The following BCAS3 variants were observed in gnomAD, a reference collection of about 807,000 sequenced individuals.
BCAS3 encodes the protein BCAS3 microtubule associated cell migration factor, also known as BCAS4/BCAS3 fusion.
BCAS3 carries 53 observed loss-of-function variants against 116.1 expected under a neutral mutation model. The ratio of observed to expected loss-of-function variants is 0.46; its 90% CI spans 0.37 to 0.57. The LOEUF is 0.57. Ranked by LOEUF, BCAS3 falls within the 20% of genes least tolerant of loss-of-function variation. The probability of loss-of-function intolerance (pLI) is 0.00; values close to 1 mark genes in which losing one functional copy is unlikely to be tolerated. For missense variants in BCAS3, 917 were observed against 1,165.4 expected (o/e 0.79, Z 3.10); for synonymous variants, 391 against 408.2 (o/e 0.96, Z 0.51).
chr17:61,040,998 C>A (rs2067462049), intron 19 of BCAS3, 106 bp downstream of exon 19: 3 of 889,104 alleles, frequency 3.4e-6, no homozygotes, highest in East Asian at 2.4e-5. Context: ...AGGCCATGGG[C>A]CTTAAAGAAT....
At chr17:60,805,058 T>TACAC (rs760769619) in intron 6 of BCAS3, among the ~76,000 whole-genome samples, 13 of 149,462 alleles carry the variant, frequency 8.7e-5, no homozygotes, top group African/African-American at 2.9e-4. Flanking sequence ...CTTAAGTAAA[T>TACAC]ACACACACAC....
chr17:60,898,486 T>C (rs1448223843), intron 10 of BCAS3, among the ~76,000 whole-genome samples: 1 of 152,214 alleles, frequency 6.6e-6, no homozygotes, highest in African/African-American at 2.4e-5. Context: ...GGGTATTTAT[T>C]ATTTACTTAA....
At chr17:60,922,299 G>A (rs2059145031) in intron 12 of BCAS3, among the ~76,000 whole-genome samples, 1 of 152,052 alleles carries the variant, frequency 6.6e-6, no homozygotes, top group South Asian at 2.1e-4. Flanking sequence ...GCTAATTTTT[G>A]TAGTTTTAGT....
At chr17:61,067,353 C>T (rs917887691) in intron 19 of BCAS3, among the ~76,000 whole-genome samples, 1 of 131,744 alleles carries the variant, frequency 7.6e-6, no homozygotes, top group African/African-American at 2.9e-5. Flanking sequence ...TTTAGATTAA[C>T]AGGACTAATT....
rs1179755396 is a variant in BCAS3 at position 60,994,736 on chromosome 17, A to G, written c.1486+4501A>G. On this transcript the variant is annotated intron_variant, in intron 15 of 23. Transcript: ENST00000407086. The surrounding 1 kb of genome is among the most constrained non-coding windows in gnomAD (Gnocchi z 4.4). ...TATTTGCAACTTTTCTTTATTTGAC[A>G]TTATTATTGCCTCTTTGAATGCCTA... is the stretch of plus-strand genomic sequence containing the variant. 6.6e-6 allele frequency among the ~76,000 whole-genome samples: 1 copy of G among 152,114 alleles called. No individual in the cohort carries two copies. The highest frequency in any genetic ancestry group is 6.5e-5 in the Admixed American group (1 of 15,270).
At chr17:60,950,226 G>T (rs1213166280) in intron 14 of BCAS3, among the ~76,000 whole-genome samples, 1 of 152,072 alleles carries the variant, frequency 6.6e-6, no homozygotes, top group Non-Finnish European at 1.5e-5. Flanking sequence ...TCTGGAATTT[G>T]CTTTGAAATG....
chr17:61,271,171 A>T (rs1602322715), intron 22 of BCAS3, among the ~76,000 whole-genome samples: 1 of 118,366 alleles, frequency 8.4e-6, no homozygotes. Flanking sequence ...TCTGTTCCCC[A>T]GGCTGGAGTA....
chr17:61,350,675 A>G (rs1022101991), intron 22 of BCAS3, among the ~76,000 whole-genome samples: 7 of 148,372 alleles, frequency 4.7e-5, no homozygotes, highest in African/African-American at 1.8e-4. Context: ...CTCTGTTACC[A>G]TGGTGGCAGT....
chr17:61,000,499 A>G (rs1054898482), intron 15 of BCAS3, among the ~76,000 whole-genome samples: 9 of 152,058 alleles, frequency 5.9e-5, no homozygotes, highest in African/African-American at 2.2e-4. Flanking sequence ...CCAATCTTAT[A>G]GAGTAACTAT....
chr17:61,155,397 T>C (rs2144028201), intron 22 of BCAS3, among the ~76,000 whole-genome samples: 1 of 152,162 alleles, frequency 6.6e-6, no homozygotes, highest in African/African-American at 2.4e-5. Flanking sequence ...TTTATTGTTT[T>C]ATCAACAGAA....
rs1250948600 is a variant in BCAS3 at position 61,348,020 on chromosome 17, A to C, written c.2426-20307A>C. ...ATTCACATTGTAGAAAAGGTCACCCAGGTGGCACTAGGAAGAATGAATTGA... is the reference window on the plus strand; with the variant it reads ...ATTCACATTGTAGAAAAGGTCACCCCGGTGGCACTAGGAAGAATGAATTGA... On this transcript the variant is annotated intron_variant, in intron 22 of 23. Transcript: ENST00000407086. This position sits in a 1 kb window ranked among gnomAD's most constrained non-coding sequence, Gnocchi z 4.5. 6.6e-6 allele frequency among the ~76,000 whole-genome samples: 1 copy of C among 152,240 alleles called. No individual in the cohort carries two copies. The highest frequency in any genetic ancestry group is 2.4e-5 in the African/African-American group (1 of 41,462).
chr17:61,211,727 C>T lies in BCAS3; in HGVS notation c.2425+127163C>T, dbSNP rs2081470479. On this transcript the variant is annotated intron_variant, in intron 22 of 23. Coordinates refer to ENST00000407086, the MANE Select transcript of BCAS3 (RefSeq NM_017679.5). This position sits in a 1 kb window ranked among gnomAD's most constrained non-coding sequence, Gnocchi z 4.4. The stretch of plus-strand genomic sequence containing the variant: ...AGCCAAGGAACCATCATTGTACTTA[C>T]ACCAGTCTGTTCCCACACATGAAGT... Among the ~76,000 whole-genome samples, 1 of 151,220 alleles carries T rather than the reference C, an allele frequency of 6.6e-6. No homozygotes were observed.
At chr17:60,843,406 A>T (rs1376855177) in intron 7 of BCAS3, among the ~76,000 whole-genome samples, 1 of 151,868 alleles carries the variant, frequency 6.6e-6, no homozygotes, top group Non-Finnish European at 1.5e-5. Context: ...TTTAGTAGAG[A>T]CAAGGTTTCA....
At chr17:60,848,186 T>G (rs1274254219) in intron 7 of BCAS3, among the ~76,000 whole-genome samples, 1 of 152,234 alleles carries the variant, frequency 6.6e-6, no homozygotes, top group Non-Finnish European at 1.5e-5. Context: ...AGTTTCACAG[T>G]ATTTTGATAA....
rs143390304 is a variant in BCAS3 at position 61,198,830 on chromosome 17, G to A, written c.2425+114266G>A. On this transcript the variant is annotated intron_variant, in intron 22 of 23. Coordinates refer to ENST00000407086, the MANE Select transcript of BCAS3 (RefSeq NM_017679.5). The surrounding 1 kb of genome is among the most constrained non-coding windows in gnomAD (Gnocchi z 5.0). ...ATTTCCTGACTCTTAGAGTCCAAAT[G>A]TTTTCTTAGATTGATGTGGATTGGT... is the stretch of plus-strand genomic sequence containing the variant. 1.3e-5 allele frequency among the ~76,000 whole-genome samples: 2 copies of A among 152,256 alleles called. No individual in the cohort carries two copies. The highest frequency in any genetic ancestry group is 2.9e-5 in the Non-Finnish European group (2 of 68,004).
intron 6 of BCAS3, among the ~76,000 whole-genome samples, chr17:60,758,981 A>ATTT (rs778345782): frequency 7.1e-6 from 1 of 140,778 alleles, no homozygotes; most frequent in African/African-American, 2.6e-5. Context: ...GTCTGAGAAG[A>ATTT]TTTTTTTTTT....
At chr17:61,317,072 T>C (rs1009274161) in intron 22 of BCAS3, among the ~76,000 whole-genome samples, 11 of 152,238 alleles carry the variant, frequency 7.2e-5, no homozygotes, top group African/African-American at 2.7e-4. Context: ...CTTTGTTTTC[T>C]TAAAAAAGTT....
intron 19 of BCAS3, among the ~76,000 whole-genome samples, chr17:61,059,303 T>C (rs2069735233): frequency 1.3e-5 from 2 of 151,950 alleles, no homozygotes; most frequent in East Asian, 1.9e-4. Flanking sequence ...AGGATGGTCT[T>C]GATCTCCTGA....
At chr17:60,788,146 G>T (rs559339323) in intron 6 of BCAS3, among the ~76,000 whole-genome samples, 1 of 152,052 alleles carries the variant, frequency 6.6e-6, no homozygotes, top group East Asian at 1.9e-4. Flanking sequence ...AAATGCAGAC[G>T]CCTTTATCAA....
Sources: allele counts gnomAD v4.1 joint callset (sites outside exome capture counted in the v4.1 genomes callset), GRCh38; gene constraint gnomAD v4.1.1; non-coding constraint Gnocchi (gnomAD v3.1); transcripts MANE v1.5; gene names NCBI Gene and HGNC (gene_info 2026-07-23, HGNC 2026-07-21).